The following ROBO2 variants were observed in gnomAD, a reference collection of about 807,000 sequenced individuals.
ROBO2 encodes roundabout guidance receptor 2, also known as roundabout homolog 2.
ROBO2 carries 53 observed loss-of-function variants against 160.8 expected under a neutral mutation model. That is an observed-to-expected ratio of 0.33 (90% CI 0.26 to 0.41). The LOEUF (loss-of-function observed/expected upper bound fraction) is 0.41. Ranked by LOEUF, ROBO2 falls within the 10% of genes least tolerant of loss-of-function variation. The pLI is 1.00. For missense variants in ROBO2, 1,577 were observed against 1,722.4 expected (o/e 0.92, Z 1.49); for synonymous variants, 664 against 611.7 (o/e 1.09, Z -1.26).
At chr3:76,893,024 T>C (rs2074469873) in intron 2 of ROBO2, among the ~76,000 whole-genome samples, 1 of 152,168 alleles carries the variant, frequency 6.6e-6, no homozygotes, top group Non-Finnish European at 1.5e-5. Context: ...AGCTATTCTG[T>C]TTTTTGCCTG....
intron 2 of ROBO2, among the ~76,000 whole-genome samples, chr3:76,164,871 G>A (rs1575723621): frequency 2.8e-4 from 1 of 3,628 alleles, no homozygotes; most frequent in African/African-American, 3.5e-4. Context: ...GGACTGCCCC[G>A]CAGGACACTG....
chr3:76,911,062 A>G (rs1027716648), intron 2 of ROBO2, among the ~76,000 whole-genome samples: 1 of 152,192 alleles, frequency 6.6e-6, no homozygotes, highest in African/African-American at 2.4e-5. Flanking sequence ...TGCACTCCTA[A>G]GATAAACAAG....
At chr3:76,048,276 C>T (rs2067515896) in intron 2 of ROBO2, among the ~76,000 whole-genome samples, 1 of 152,170 alleles carries the variant, frequency 6.6e-6, no homozygotes, top group South Asian at 2.1e-4. Flanking sequence ...GCTCTATCTT[C>T]TGCTAGTGAT....
rs1389521820 is a variant in ROBO2, at chr3:76,227,887, T to C, written c.109+290285T>C. ...TCACTTTTTTAGTGCCAAGCTTTTA[T>C]TTTTATCTACAAACCCAAGCCTAAC... On this transcript the variant is annotated intron_variant, in intron 2 of 26. Coordinates refer to the ROBO2 transcript ENST00000487694. Among the ~76,000 whole-genome samples the C allele has an allele frequency of 2.0e-5, 3 of 152,326 alleles. No individual in the cohort carries two copies. In the East Asian group the frequency reaches 5.8e-4, roughly 29 times the overall value.
chr3:76,831,569 C>T (rs912672389), intron 2 of ROBO2, among the ~76,000 whole-genome samples: 1 of 152,138 alleles, frequency 6.6e-6, no homozygotes, highest in Non-Finnish European at 1.5e-5. Context: ...AATGTATCAG[C>T]TTTTCCTCAT....
At chr3:75,953,290 T>C (rs2014589) in intron 2 of ROBO2, among the ~76,000 whole-genome samples, 65,707 of 151,692 alleles carry the variant, frequency 0.43, 15,502 homozygotes, top group South Asian at 0.66. Flanking sequence ...CTTTTGGATA[T>C]TGGCCATTTT....
intron 2 of ROBO2, among the ~76,000 whole-genome samples, chr3:77,230,323 A>T (rs886491861): frequency 1.3e-5 from 2 of 152,108 alleles, no homozygotes; most frequent in East Asian, 3.9e-4. Flanking sequence ...AGCTCAAGGG[A>T]TCCTCCTCCC....
chr3:77,024,704 A>G (rs1158130124), intron 2 of ROBO2, among the ~76,000 whole-genome samples: 1 of 152,218 alleles, frequency 6.6e-6, no homozygotes, highest in East Asian at 1.9e-4. Context: ...TTGCATAATA[A>G]TAAACCAAAT....
At chr3:77,309,060 T>TA (rs1160720730) in intron 2 of ROBO2, among the ~76,000 whole-genome samples, 1 of 19,456 alleles carries the variant, frequency 5.1e-5, no homozygotes, top group African/African-American at 9.5e-5. Flanking sequence ...TTCGGCTATT[T>TA]ATTGTTTTTT....
chr3:76,461,661 C>A (rs958803251), intron 2 of ROBO2, among the ~76,000 whole-genome samples: 5 of 152,092 alleles, frequency 3.3e-5, no homozygotes, highest in African/African-American at 1.2e-4. Flanking sequence ...TATTTCAGAA[C>A]AATTTCTTTA....
exon 26 of ROBO2, chr3:77,646,236 A>C (rs2095411938): frequency 4.5e-6 from 2 of 444,292 alleles, no homozygotes; most frequent in Admixed American, 8.3e-5. Context: ...TTCTTCTCTT[A>C]AGTACACCAC....
intron 2 of ROBO2, among the ~76,000 whole-genome samples, chr3:76,789,393 G>A (rs1417542261): frequency 1.3e-5 from 2 of 151,536 alleles, no homozygotes; most frequent in East Asian, 2.0e-4. Context: ...TACACTTGGA[G>A]TTCTTCAAGG....
chr3:76,143,565 A>G (rs183485282), intron 2 of ROBO2, among the ~76,000 whole-genome samples: 1 of 152,110 alleles, frequency 6.6e-6, no homozygotes, highest in Admixed American at 6.6e-5. Context: ...TAACAGAAAA[A>G]CAGTCACTAG....
At chr3:76,782,673 T>A (rs2062724444) in intron 2 of ROBO2, among the ~76,000 whole-genome samples, 1 of 150,762 alleles carries the variant, frequency 6.6e-6, no homozygotes, top group Admixed American at 6.6e-5. Context: ...TAAAATCTAC[T>A]TCATCTCATA....
At chr3:77,194,462 T>G (rs1301908739) in intron 2 of ROBO2, among the ~76,000 whole-genome samples, 4 of 152,240 alleles carry the variant, frequency 2.6e-5, no homozygotes, top group Non-Finnish European at 5.9e-5. Flanking sequence ...CATTAAAATC[T>G]TCTGATTACA....
At chr3:77,374,910 A>G (rs2072408553) in intron 2 of ROBO2, among the ~76,000 whole-genome samples, 1 of 152,242 alleles carries the variant, frequency 6.6e-6, no homozygotes, top group Non-Finnish European at 1.5e-5. Flanking sequence ...TTTCAGTACA[A>G]TAAGATATAT....
At chr3:77,164,940 GC>G (rs372969810) in intron 2 of ROBO2, among the ~76,000 whole-genome samples, 2,513 of 57,398 alleles carry the variant, frequency 0.044, 258 homozygotes, top group Middle Eastern at 0.16. Flanking sequence ...GGAGGTGGGG[GC>G]GGTCAGCCCC....
chr3:77,357,457 C>T (rs2069303152), intron 2 of ROBO2, among the ~76,000 whole-genome samples: 1 of 152,144 alleles, frequency 6.6e-6, no homozygotes, highest in Non-Finnish European at 1.5e-5. Flanking sequence ...ACAACAGACG[C>T]AGCCCTTCTA....
At chr3:76,223,631 G>A (rs1487931201) in intron 2 of ROBO2, among the ~76,000 whole-genome samples, 3 of 152,276 alleles carry the variant, frequency 2.0e-5, no homozygotes, top group African/African-American at 7.2e-5. Context: ...AAGGCTGGGA[G>A]TACAACTTGT....
Sources: allele counts gnomAD v4.1 joint callset (sites outside exome capture counted in the v4.1 genomes callset), GRCh38; gene constraint gnomAD v4.1.1; transcripts MANE v1.5; gene names NCBI Gene and HGNC (gene_info 2026-07-23, HGNC 2026-07-21).